Variants in STXBP5 observed in about 807,000 individuals in gnomAD.
STXBP5 encodes the protein syntaxin binding protein 5.
STXBP5 carries 50 observed loss-of-function variants against 152.4 expected under a neutral mutation model. The ratio of observed to expected loss-of-function variants is 0.33; its 90% confidence interval spans 0.26 to 0.42. The LOEUF (loss-of-function observed/expected upper bound fraction) is 0.42. STXBP5 is among the 10% of genes least tolerant of loss of function. The pLI is 1.00. For missense variants in STXBP5, 1,167 were observed against 1,388.6 expected (o/e 0.84, Z 2.54); for synonymous variants, 492 against 494.7 (o/e 0.99, Z 0.07).
At chr6:147,285,895 G>A (rs1473377185) in intron 8 of STXBP5, among the ~76,000 whole-genome samples, 2 of 152,166 alleles carry the variant, frequency 1.3e-5, no homozygotes, top group Admixed American at 6.5e-5. Flanking sequence ...ACAAAATCAT[G>A]TTTGAACCTA....
intron 8 of STXBP5, among the ~76,000 whole-genome samples, chr6:147,281,536 T>C (rs1450911261): frequency 6.6e-6 from 1 of 152,230 alleles, no homozygotes; most frequent in Non-Finnish European, 1.5e-5. Context: ...GGTTTCTTGC[T>C]CTTAATTTCT....
Position 147,359,264 on chromosome 6 carries a change from T to C in STXBP5, c.2486T>C (p.Leu829Pro). 6.2e-7 allele frequency: 1 copy of C among 1,614,068 alleles called. No individual in the cohort carries two copies. Among genetic ancestry groups the C allele is most frequent in the Non-Finnish European group, 8.5e-7 (1 of 1,179,940 alleles). Residue 829 changes from leucine to proline, a missense_variant, in exon 23 of 28, where the codon CTG becomes CCG. This residue lies in a region of STXBP5 where 833 missense variants were observed against 986.3 expected (regional missense o/e 0.84). Transcript: ENST00000321680. ...TTLGTVLVIA[L>P]NLPPGGEQRL... The stretch of plus-strand genomic sequence containing the variant: ...CTAGGAACAGTGCTTGTCATTGCAC[T>C]GAACCTTCCCCCAGGGGGAGAGCAA...
chr6:147,334,936 T>C (rs1181645378), intron 19 of STXBP5, among the ~76,000 whole-genome samples: 1 of 152,114 alleles, frequency 6.6e-6, no homozygotes, highest in Non-Finnish European at 1.5e-5. Flanking sequence ...CCATAGCTGG[T>C]ATACTACATC....
chr6:147,242,101 G>T (rs923715440), intron 4 of STXBP5, among the ~76,000 whole-genome samples: 3 of 151,726 alleles, frequency 2.0e-5, no homozygotes, highest in African/African-American at 4.8e-5. Flanking sequence ...TCTAGAGGTG[G>T]AAGACAGTGA....
rs531381862 is a variant in STXBP5, at chr6:147,377,730, G to C, written c.3193+3888G>C. On this transcript the variant is annotated intron_variant, in intron 26 of 27. Transcript: ENST00000321680. ...ACAATACCCTTTTTACCTCCCAAAG[G>C]CCCCCACTTCTGACATTACATTAGG... Among the ~76,000 whole-genome samples the C allele has an allele frequency of 1.8e-3, 273 of 152,102 alleles. 1 individual carries two copies. The highest frequency in any genetic ancestry group is 6.0e-3 in the African/African-American group (248 of 41,508).
rs1281321763 is a variant in STXBP5 at position 147,385,071 on chromosome 6, G to A, written c.*316G>A. ...CAGGGACTAATCCTGGATCATTCCT[G>A]TATTAAACTTTCATATGCCAAAAGG... On this transcript the variant is annotated 3_prime_UTR_variant, in exon 28 of 28. Coordinates refer to ENST00000321680, the MANE Select transcript of STXBP5 (RefSeq NM_001127715.4). 1.7e-5 allele frequency: 5 copies of A among 300,770 alleles called. No homozygotes were observed. In the Admixed American group the frequency reaches 2.0e-4, roughly 12 times the overall value. 18.6% of individuals were successfully genotyped at this position (300,770 alleles called of 1,614,324 possible). A position where few individuals can be genotyped will look rare whatever the true frequency, so the allele number is the denominator to read the frequency against.
At chr6:147,376,668 T>C (rs1785825994) in intron 26 of STXBP5, among the ~76,000 whole-genome samples, 1 of 151,718 alleles carries the variant, frequency 6.6e-6, no homozygotes, top group African/African-American at 2.4e-5. Context: ...AATTTAAAAA[T>C]TTAGTGGTAG....
intron 26 of STXBP5, among the ~76,000 whole-genome samples, chr6:147,378,475 G>A (rs1028838237): frequency 1.4e-5 from 2 of 148,122 alleles, no homozygotes; most frequent in South Asian, 2.1e-4. Context: ...AATTGCAAAT[G>A]TCACTCTTAA....
chr6:147,315,147 G>A (rs1782579342), intron 14 of STXBP5, among the ~76,000 whole-genome samples: 1 of 152,064 alleles, frequency 6.6e-6, no homozygotes, highest in Admixed American at 6.5e-5. Context: ...AATTATATTG[G>A]TACTGTATCT....
chr6:147,314,064 T>C (rs1429925266), intron 12 of STXBP5, 33 bp downstream of exon 12: 5 of 1,545,366 alleles, frequency 3.2e-6, no homozygotes, highest in Non-Finnish European at 1.8e-6. Context: ...TTTAATGTTA[T>C]ATTTCTTATT....
At chr6:147,366,620 T>C (rs916620469) in intron 25 of STXBP5, among the ~76,000 whole-genome samples, 3 of 152,190 alleles carry the variant, frequency 2.0e-5, no homozygotes, top group African/African-American at 7.2e-5. Context: ...GGGTGTCAAA[T>C]CTACCTCTCT....
chr6:147,327,035 C>A, intron 17 of STXBP5, 90 bp from the exon 18 acceptor site: 4 of 1,207,638 alleles, frequency 3.3e-6, no homozygotes, highest in Non-Finnish European at 4.6e-6. Context: ...AAAGACCCAC[C>A]ATGCTTCTTT....
At chr6:147,332,504 A>G (rs1562251508) in intron 18 of STXBP5, among the ~76,000 whole-genome samples, 1 of 152,230 alleles carries the variant, frequency 6.6e-6, no homozygotes, top group African/African-American at 2.4e-5. Context: ...AACAAGAAAC[A>G]TTTCATACAA....
chr6:147,246,871 G>A (rs1778835566), intron 4 of STXBP5, among the ~76,000 whole-genome samples: 1 of 152,150 alleles, frequency 6.6e-6, no homozygotes, highest in African/African-American at 2.4e-5. Flanking sequence ...CACAGCGAGG[G>A]GAGATTTGGT....
At chr6:147,270,730 C>T (rs1314285310) in intron 7 of STXBP5, among the ~76,000 whole-genome samples, 4 of 152,172 alleles carry the variant, frequency 2.6e-5, no homozygotes, top group Admixed American at 1.3e-4. Flanking sequence ...GATATAAAAA[C>T]TTTCTTATTT....
chr6:147,238,149 A>C (rs1778368915), intron 3 of STXBP5, among the ~76,000 whole-genome samples: 1 of 152,182 alleles, frequency 6.6e-6, no homozygotes, highest in Non-Finnish European at 1.5e-5. Context: ...ATTTATAAAG[A>C]AAGAAATTTA....
At chr6:147,303,508 G>A (rs1781932485) in intron 9 of STXBP5, among the ~76,000 whole-genome samples, 1 of 152,168 alleles carries the variant, frequency 6.6e-6, no homozygotes, top group Admixed American at 6.5e-5. Flanking sequence ...AGCAGCAGGA[G>A]AACTAACTAA....
intron 4 of STXBP5, 75 bp from the exon 5 acceptor site, chr6:147,260,540 A>G (rs1779592509): frequency 1.3e-6 from 2 of 1,553,924 alleles, no homozygotes; most frequent in Non-Finnish European, 1.8e-6. Context: ...TATATATCAT[A>G]ATCAACCCTC....
chr6:147,372,496 G>A (rs1785607100), intron 25 of STXBP5, among the ~76,000 whole-genome samples: 1 of 118,354 alleles, frequency 8.4e-6, no homozygotes, highest in Non-Finnish European at 1.6e-5. Context: ...GTGCAGTGGT[G>A]CAATCTCTGC....
Sources: allele counts gnomAD v4.1 joint callset (sites outside exome capture counted in the v4.1 genomes callset), GRCh38; gene constraint gnomAD v4.1.1; regional missense constraint gnomAD v4.1.1; transcripts MANE v1.5; gene names NCBI Gene and HGNC (gene_info 2026-07-23, HGNC 2026-07-21).